The following GMDS variants were observed in gnomAD, a reference collection of about 807,000 sequenced individuals.
GMDS encodes the protein GDP-mannose 4,6-dehydratase, also known as GDP-mannose 4,6 dehydratase.
Under a neutral mutation model 49.9 loss-of-function variants are expected in GMDS, and 20 were observed. The ratio of observed to expected loss-of-function variants is 0.40; its 90% CI spans 0.28 to 0.58. The LOEUF (loss-of-function observed/expected upper bound fraction) is 0.58, where lower values mean the gene tolerates loss of function less well. GMDS is among the 20% of genes least tolerant of loss of function. The pLI is 0.42. For missense variants in GMDS, 362 were observed against 481.4 expected, an observed-to-expected ratio of 0.75 and a Z score of 2.32; for synonymous variants, 177 against 178.6, an observed-to-expected ratio of 0.99 and a Z score of 0.07.
intron 1 of GMDS, among the ~76,000 whole-genome samples, chr6:2,218,050 C>T (rs552527052): frequency 2.6e-5 from 4 of 152,304 alleles, no homozygotes; most frequent in Admixed American, 2.6e-4. Flanking sequence ...TGAGTATTCA[C>T]GATCACCTGT....
chr6:1,980,686 T>C (rs915892349), intron 4 of GMDS, among the ~76,000 whole-genome samples: 1 of 152,170 alleles, frequency 6.6e-6, no homozygotes, highest in African/African-American at 2.4e-5. Flanking sequence ...TGAACTCAGC[T>C]CTGGATCAAG....
At chr6:1,677,095 C>A (rs1311706152) in intron 9 of GMDS, among the ~76,000 whole-genome samples, 11 of 152,176 alleles carry the variant, frequency 7.2e-5, no homozygotes, top group African/African-American at 2.4e-4. Flanking sequence ...AAAAATCAAA[C>A]AACCCTATCA....
At chr6:1,840,189 T>C (rs1043377520) in intron 7 of GMDS, among the ~76,000 whole-genome samples, 1 of 152,154 alleles carries the variant, frequency 6.6e-6, no homozygotes, top group Non-Finnish European at 1.5e-5. Flanking sequence ...CATTAGGCAA[T>C]ACCCACTTTA....
At chr6:2,230,965 T>G in intron 1 of GMDS, among the ~76,000 whole-genome samples, 1 of 48,556 alleles carries the variant, frequency 2.1e-5, no homozygotes. Flanking sequence ...TTCCTTCCCC[T>G]AATACCCAGG....
intron 9 of GMDS, among the ~76,000 whole-genome samples, chr6:1,695,921 T>C (rs1195205184): frequency 3.9e-4 from 53 of 135,672 alleles, no homozygotes; most frequent in African/African-American, 1.5e-3. Context: ...TTTTTTTTTT[T>C]TCTTTTTTTT....
chr6:1,838,163 C>G (rs1297045330), intron 7 of GMDS, among the ~76,000 whole-genome samples: 1 of 152,154 alleles, frequency 6.6e-6, no homozygotes, highest in Non-Finnish European at 1.5e-5. Context: ...CTCTCCTTTC[C>G]CAACTCAGCT....
intron 4 of GMDS, among the ~76,000 whole-genome samples, chr6:2,059,151 G>A (rs1334074409): frequency 7.7e-6 from 1 of 130,634 alleles, no homozygotes; most frequent in East Asian, 2.4e-4. Flanking sequence ...ACTCCAGCCT[G>A]GGCGACAGAG....
intron 4 of GMDS, among the ~76,000 whole-genome samples, chr6:1,987,679 G>A (rs9392347): frequency 0.35 from 52,716 of 152,118 alleles, 9,304 homozygotes; most frequent in Middle Eastern, 0.44. Context: ...GGGAGAGGAC[G>A]TTGGGTTGTA....
In GMDS at chr6:1,805,364, A is replaced by G. The variant is rs191500545; in HGVS notation, c.772-62778T>C. ...TTGATGTATTGACAGTCCCCCACAT[A>G]CATGCCACTGTACAGAGTTATATGG... On this transcript the variant is annotated intron_variant, in intron 7 of 10. Coordinates refer to ENST00000380815, the MANE Select transcript of GMDS (RefSeq NM_001500.4). Among the ~76,000 whole-genome samples the G allele has an allele frequency of 1.1e-4, 17 of 152,304 alleles. No homozygotes were observed. In the East Asian group the frequency reaches 3.3e-3, roughly 29 times the overall value.
At chr6:2,037,893 A>AAAAT (rs1171116091) in intron 4 of GMDS, among the ~76,000 whole-genome samples, 4 of 152,310 alleles carry the variant, frequency 2.6e-5, no homozygotes, top group African/African-American at 7.2e-5. Flanking sequence ...AAAAGCGGTA[A>AAAAT]AAATAAATAA....
chr6:1,816,595 G>C (rs958537539), intron 7 of GMDS, among the ~76,000 whole-genome samples: 1 of 152,102 alleles, frequency 6.6e-6, no homozygotes, highest in African/African-American at 2.4e-5. Context: ...ATTTTGCTTT[G>C]TTTTCTGTTT....
At chr6:1,744,255 T>C (rs4959607) in intron 7 of GMDS, among the ~76,000 whole-genome samples, 149,241 of 152,302 alleles carry the variant, frequency 0.98, 73,136 homozygotes, top group East Asian at 1. Context: ...GTCTATTTTA[T>C]ATGCTTTGGA....
intron 4 of GMDS, among the ~76,000 whole-genome samples, chr6:2,008,556 T>C (rs1392532212): frequency 2.0e-5 from 3 of 152,190 alleles, no homozygotes; most frequent in African/African-American, 7.2e-5. Context: ...CTATCAAGCT[T>C]GTTGATGACT....
intron 9 of GMDS, among the ~76,000 whole-genome samples, chr6:1,717,958 A>C (rs1446608922): frequency 6.6e-6 from 1 of 152,198 alleles, no homozygotes; most frequent in Admixed American, 6.5e-5. Context: ...ATCATCTGCC[A>C]ATTAATGTAA....
chr6:2,065,344 G>A (rs1026051995), intron 4 of GMDS, among the ~76,000 whole-genome samples: 14 of 152,278 alleles, frequency 9.2e-5, no homozygotes, highest in East Asian at 1.9e-4. Flanking sequence ...AGAAAAACTG[G>A]AAACTCTAAA....
At chr6:1,873,525 G>A (rs1486077672) in intron 7 of GMDS, among the ~76,000 whole-genome samples, 1 of 152,152 alleles carries the variant, frequency 6.6e-6, no homozygotes, top group Non-Finnish European at 1.5e-5. Flanking sequence ...TAGACACTGA[G>A]AAATGAAATG....
intron 1 of GMDS, among the ~76,000 whole-genome samples, chr6:2,237,447 G>A (rs768072188): frequency 2.0e-5 from 3 of 151,594 alleles, no homozygotes; most frequent in Non-Finnish European, 4.4e-5. Flanking sequence ...TTCTGGAAGT[G>A]TGAGATTCCC....
At chr6:1,707,343 T>C (rs1188331274) in intron 9 of GMDS, among the ~76,000 whole-genome samples, 3 of 152,186 alleles carry the variant, frequency 2.0e-5, no homozygotes, top group Non-Finnish European at 4.4e-5. Context: ...TGTTGATCCA[T>C]CTATCTATGT....
intron 1 of GMDS, among the ~76,000 whole-genome samples, chr6:2,227,740 C>G (rs1780882762): frequency 6.6e-6 from 1 of 152,180 alleles, no homozygotes; most frequent in Admixed American, 6.5e-5. Flanking sequence ...CAGAGGTCCC[C>G]TGGGTCACAA....
Sources: gnomAD v4.1 joint callset for allele counts (sites outside exome capture counted in the v4.1 genomes callset) on GRCh38, gnomAD v4.1.1 for gene constraint, MANE v1.5 for transcripts, NCBI Gene and HGNC (gene_info 2026-07-23, HGNC 2026-07-21) for gene names.